PCSK5: variants seen among roughly 807,000 people sequenced by gnomAD.
PCSK5 encodes the protein proprotein convertase subtilisin/kexin type 5, also known as prohormone convertase 5.
A neutral mutation model predicts 233.2 loss-of-function variants in PCSK5; 129 were observed. The observed-to-expected ratio is 0.55, with a 90% CI of 0.48 to 0.64. The LOEUF is 0.64. Among genes scored for constraint, PCSK5 ranks in the 30% least tolerant of loss-of-function variants. The probability of loss-of-function intolerance (pLI) is 0.00; values close to 1 mark genes in which losing one functional copy is unlikely to be tolerated. For synonymous variants in PCSK5, 825 were observed against 879.2 expected, an observed-to-expected ratio of 0.94 and a Z score of 1.09; for missense variants, 2,076 against 2,430.1, an observed-to-expected ratio of 0.85 and a Z score of 3.06.
At chr9:76,156,337 C>T (rs1305043076) in intron 10 of PCSK5, among the ~76,000 whole-genome samples, 1 of 152,118 alleles carries the variant, frequency 6.6e-6, no homozygotes, top group Non-Finnish European at 1.5e-5. Context: ...AACTGAGAAC[C>T]AAAAGATTCA....
chr9:76,342,228 T>A (rs960451893), intron 35 of PCSK5, among the ~76,000 whole-genome samples: 1 of 152,202 alleles, frequency 6.6e-6, no homozygotes, highest in African/African-American at 2.4e-5. Context: ...GTGTCACTAA[T>A]GGATAATCAG....
intron 9 of PCSK5, among the ~76,000 whole-genome samples, chr9:76,114,475 C>CA (rs1832348337): frequency 6.6e-6 from 1 of 152,092 alleles, no homozygotes; most frequent in South Asian, 2.1e-4. Context: ...CTAATGGTTT[C>CA]AAAAACTACA....
chr9:76,204,095 A>AT (rs1256300459), intron 20 of PCSK5, among the ~76,000 whole-genome samples: 3 of 152,136 alleles, frequency 2.0e-5, no homozygotes, highest in Non-Finnish European at 4.4e-5. Flanking sequence ...TTAAACCAGA[A>AT]TTTTTTATTC....
At chr9:75,947,852 A>T (rs1029115202) in intron 2 of PCSK5, among the ~76,000 whole-genome samples, 1 of 152,028 alleles carries the variant, frequency 6.6e-6, no homozygotes, top group Admixed American at 6.6e-5. Context: ...TTCTCCATGG[A>T]TATTTTAGAG....
intron 19 of PCSK5, 115 bp downstream of exon 19, chr9:76,189,338 T>C (rs1318416746): frequency 1.1e-6 from 1 of 881,022 alleles, no homozygotes; most frequent in Non-Finnish European, 1.8e-6. Context: ...GGTTTAAACA[T>C]GTACCTGTGG....
At chr9:76,191,526 G>A (rs574079077) in intron 20 of PCSK5, among the ~76,000 whole-genome samples, 5 of 152,122 alleles carry the variant, frequency 3.3e-5, no homozygotes, top group Non-Finnish European at 7.4e-5. Context: ...GAAAGAACGG[G>A]GCACATGATT....
At chr9:76,063,126 ATTTTTTTTTCT>A (rs1296894235) in intron 5 of PCSK5, among the ~76,000 whole-genome samples, 3 of 148,358 alleles carry the variant, frequency 2.0e-5, no homozygotes, top group African/African-American at 7.5e-5. Flanking sequence ...TCAGGATTTA[ATTTTTTTTTCT>A]TTTTTTTTTC....
intron 5 of PCSK5, among the ~76,000 whole-genome samples, chr9:76,030,986 G>A (rs962700295): frequency 7.9e-5 from 12 of 152,028 alleles, no homozygotes; most frequent in East Asian, 3.9e-4. Context: ...CCATCCTGAC[G>A]GTGAAATAGG....
chr9:75,959,238 C>G (rs1359398761), intron 2 of PCSK5, among the ~76,000 whole-genome samples: 3 of 152,098 alleles, frequency 2.0e-5, no homozygotes, highest in Non-Finnish European at 4.4e-5. Flanking sequence ...TGAAGTGGCT[C>G]AAGGACATTC....
At chr9:75,921,308 A>G (rs1823248815) in intron 1 of PCSK5, among the ~76,000 whole-genome samples, 1 of 152,228 alleles carries the variant, frequency 6.6e-6, no homozygotes, top group Admixed American at 6.5e-5. Context: ...GTCCTTCGGC[A>G]TTAGTACTTT....
At chr9:76,234,146 C>T (rs147607546) in intron 22 of PCSK5, among the ~76,000 whole-genome samples, 8 of 152,254 alleles carry the variant, frequency 5.3e-5, no homozygotes, top group African/African-American at 1.2e-4. Flanking sequence ...CCTTTCCAGC[C>T]TCAACTCATA....
intron 20 of PCSK5, among the ~76,000 whole-genome samples, chr9:76,205,410 A>C (rs1435476675): frequency 1.3e-5 from 2 of 152,170 alleles, no homozygotes; most frequent in Non-Finnish European, 2.9e-5. Context: ...GTGCCAGAAA[A>C]AAAACTGATG....
At chr9:76,114,505 A>T (rs1471973680) in intron 9 of PCSK5, among the ~76,000 whole-genome samples, 1 of 152,134 alleles carries the variant, frequency 6.6e-6, no homozygotes, top group Non-Finnish European at 1.5e-5. Context: ...GATGTCTATT[A>T]TAACTGGAAA....
chr9:76,104,347 A>G (rs115764944), intron 8 of PCSK5, among the ~76,000 whole-genome samples: 2,597 of 152,214 alleles, frequency 0.017, 93 homozygotes, highest in African/African-American at 0.059. Flanking sequence ...GTTCCTTTTA[A>G]CTTTACCCCT....
At chr9:76,355,198 C>A (rs559902400) in intron 37 of PCSK5, among the ~76,000 whole-genome samples, 1 of 152,260 alleles carries the variant, frequency 6.6e-6, no homozygotes. Context: ...CATGGCCGGG[C>A]GCGGTGGCTC....
At chr9:76,056,989 A>G (rs1448959028) in intron 5 of PCSK5, among the ~76,000 whole-genome samples, 2 of 152,176 alleles carry the variant, frequency 1.3e-5, no homozygotes, top group African/African-American at 4.8e-5. Context: ...TAATATTCCA[A>G]TGAGTATTTA....
At chr9:76,141,797 C>A (rs972937639) in intron 10 of PCSK5, among the ~76,000 whole-genome samples, 7 of 152,110 alleles carry the variant, frequency 4.6e-5, no homozygotes, top group African/African-American at 1.4e-4. Context: ...GGCATTCCCA[C>A]CATAAAACAG....
At chr9:76,205,406 G>GA (rs963607768) in intron 20 of PCSK5, among the ~76,000 whole-genome samples, 4 of 151,830 alleles carry the variant, frequency 2.6e-5, no homozygotes, top group African/African-American at 4.8e-5. Context: ...GTCTGTGCCA[G>GA]AAAAAAAACT....
chr9:76,265,272 G>C (rs1827299774), intron 24 of PCSK5, among the ~76,000 whole-genome samples: 1 of 152,000 alleles, frequency 6.6e-6, no homozygotes, highest in Admixed American at 6.6e-5. Context: ...AAGGGAGGGA[G>C]GGGGAGGCGG....
Sources: gnomAD v4.1 joint callset for allele counts (sites outside exome capture counted in the v4.1 genomes callset) on GRCh38, gnomAD v4.1.1 for gene constraint, MANE v1.5 for transcripts, NCBI Gene and HGNC (gene_info 2026-07-23, HGNC 2026-07-21) for gene names.